The following AK4 variants were observed in gnomAD, a reference collection of about 807,000 sequenced individuals.
AK4 encodes the protein adenylate kinase 4, also known as adenylate kinase 4, mitochondrial.
Under a neutral mutation model 24.6 loss-of-function variants are expected in AK4, and 13 were observed. That is an observed-to-expected ratio of 0.53 (90% CI 0.34 to 0.84). The LOEUF is 0.84. Among genes scored for constraint, AK4 ranks in the 40% least tolerant of loss-of-function variants. The pLI is 0.01. For missense variants in AK4, 192 were observed against 288.2 expected (o/e 0.67, Z 2.42); for synonymous variants, 88 against 107.0 (o/e 0.82, Z 1.10).
chr1:65,220,342 C>T (rs1360621062), intron 3 of AK4, among the ~76,000 whole-genome samples: 2 of 152,144 alleles, frequency 1.3e-5, no homozygotes, highest in Non-Finnish European at 2.9e-5. Context: ...TTTGCATTTC[C>T]ACCAGCAATA....
At chr1:65,178,183 GAT>G (rs1344402508) in intron 1 of AK4, among the ~76,000 whole-genome samples, 1 of 152,122 alleles carries the variant, frequency 6.6e-6, no homozygotes, top group Non-Finnish European at 1.5e-5. Context: ...TGACTGTTAA[GAT>G]AGCCTCTGGC....
chr1:65,170,095 G>T (rs1199532938), intron 1 of AK4, among the ~76,000 whole-genome samples: 1 of 152,142 alleles, frequency 6.6e-6, no homozygotes, highest in East Asian at 1.9e-4. Context: ...GATCAGTTTT[G>T]GCCAGGCGTG....
intron 2 of AK4, among the ~76,000 whole-genome samples, chr1:65,215,094 TACTCTAGGAAAGTCTGGG>T (rs1322535468): frequency 6.6e-6 from 1 of 152,222 alleles, no homozygotes; most frequent in African/African-American, 2.4e-5. Flanking sequence ...CTAGATGTTC[TACTCTAGGAAAGTCTGGG>T]ACAGGATCTG....
intron 2 of AK4, among the ~76,000 whole-genome samples, chr1:65,216,784 T>C (rs1029591031): frequency 4.2e-5 from 6 of 143,726 alleles, no homozygotes; most frequent in African/African-American, 1.5e-4. Context: ...AGCCTTGAAC[T>C]CCTTGGGCTC....
rs1652603002 is a variant in AK4, at chr1:65,230,322, A to G, written c.*4145A>G. On this transcript the variant is annotated 3_prime_UTR_variant, in exon 5 of 5. Transcript: ENST00000327299. ...TAAGATGTTGAGACCGGATAACTTT[A>G]GAAAGATACCTGCACAAACCCATAA... The G allele has an allele frequency of 6.6e-6, 1 of 152,218 alleles. No homozygotes were observed. Among genetic ancestry groups the G allele is most frequent in the Non-Finnish European group, 1.5e-5 (1 of 68,042 alleles). The allele number at this position is 152,218 out of a possible 1,614,324, so 9.4% of individuals were successfully genotyped here. A position where few individuals can be genotyped will look rare whatever the true frequency, so the allele number is the denominator to read the frequency against.
chr1:65,225,499 T>C (rs1028215110), intron 4 of AK4, among the ~76,000 whole-genome samples: 16 of 152,208 alleles, frequency 1.1e-4, no homozygotes, highest in Non-Finnish European at 1.9e-4. Flanking sequence ...TGTGTATGTG[T>C]GTGAGGGGGA....
rs1368305342 is a variant in AK4 at position 65,229,192 on chromosome 1, A to C, written c.*3015A>C. 6.6e-6 allele frequency: 1 copy of C among 152,032 alleles called. No individual in the cohort carries two copies. The highest frequency in any genetic ancestry group is 6.6e-5 in the Admixed American group (1 of 15,260). 9.4% of individuals were successfully genotyped at this position (152,032 alleles called of 1,614,324 possible). A position where few individuals can be genotyped will look rare whatever the true frequency, so the allele number is the denominator to read the frequency against. On this transcript the variant is annotated 3_prime_UTR_variant, in exon 5 of 5. Transcript: ENST00000327299. ...TTTTTCCTGGATGTTATTAATAGCT[A>C]ATTGTGTCCAAGCAACCAAGGGCCT...
At chr1:65,153,478 C>T (rs1320426920) in intron 1 of AK4, among the ~76,000 whole-genome samples, 1 of 151,980 alleles carries the variant, frequency 6.6e-6, no homozygotes, top group African/African-American at 2.4e-5. Context: ...TACGTGTTGC[C>T]CAGGCTGGTC....
chr1:65,154,977 A>G (rs1367295201), intron 1 of AK4, among the ~76,000 whole-genome samples: 1 of 151,762 alleles, frequency 6.6e-6, no homozygotes, highest in Non-Finnish European at 1.5e-5. Flanking sequence ...CAGCTTCCCA[A>G]GTAGCTGGGA....
intron 1 of AK4, among the ~76,000 whole-genome samples, chr1:65,187,448 G>C (rs2101035729): frequency 6.6e-6 from 1 of 151,970 alleles, no homozygotes; most frequent in East Asian, 1.9e-4. Context: ...AAGAAGGAGT[G>C]ACTGCTAATG....
chr1:65,185,890 C>G (rs1651082689), intron 1 of AK4, among the ~76,000 whole-genome samples: 1 of 152,080 alleles, frequency 6.6e-6, no homozygotes, highest in Non-Finnish European at 1.5e-5. Flanking sequence ...GCTGGGATTA[C>G]AGGCGTGAGC....
At chr1:65,194,165 TTTGA>T (rs1292839268) in intron 2 of AK4, among the ~76,000 whole-genome samples, 1 of 152,228 alleles carries the variant, frequency 6.6e-6, no homozygotes, top group Non-Finnish European at 1.5e-5. Context: ...GTCAACTGTA[TTTGA>T]TTGTCTCTTT....
Position 65,216,868 on chromosome 1 carries a change from A to AAT in AK4, c.266-1885_266-1884dup, listed in dbSNP as rs1252069951. Among the ~76,000 whole-genome samples the AAT allele has an allele frequency of 3.2e-5, 4 of 123,902 alleles. 1 individual carries two copies. The highest frequency in any genetic ancestry group is 1.1e-4 in the African/African-American group (2 of 18,064). 81.3% of individuals were successfully genotyped at this position (123,902 alleles called of 152,430 possible). On this transcript the variant is annotated intron_variant, in intron 2 of 4. Transcript: ENST00000327299. ...GCATCACCAGTAAAAGCAATTTTTT[A>AAT]ATTTTTATTTTTGGTAGAGATGGGT...
At chr1:65,150,188 G>A (rs1649719921) in intron 1 of AK4, among the ~76,000 whole-genome samples, 1 of 152,158 alleles carries the variant, frequency 6.6e-6, no homozygotes, top group Non-Finnish European at 1.5e-5. Flanking sequence ...TGTTTAAAGA[G>A]AGTGTGATGG....
chr1:65,163,568 TC>T (rs1223020173), intron 1 of AK4, among the ~76,000 whole-genome samples: 21 of 152,316 alleles, frequency 1.4e-4, no homozygotes, highest in Admixed American at 1.0e-3. Flanking sequence ...AGTCACATAC[TC>T]CTAAATTAGG....
chr1:65,225,646 A>C (rs1023566208), intron 4 of AK4, among the ~76,000 whole-genome samples: 2 of 152,172 alleles, frequency 1.3e-5, no homozygotes, highest in African/African-American at 4.8e-5. Flanking sequence ...GTCCCCCCCA[A>C]AATTTAGCAA....
intron 1 of AK4, among the ~76,000 whole-genome samples, chr1:65,187,920 T>C (rs1651157315): frequency 6.6e-6 from 1 of 152,230 alleles, no homozygotes; most frequent in African/African-American, 2.4e-5. Flanking sequence ...CTGTCTTTCT[T>C]GTTCCGCCTT....
intron 2 of AK4, among the ~76,000 whole-genome samples, chr1:65,218,421 T>G (rs1652196656): frequency 6.6e-6 from 1 of 152,232 alleles, no homozygotes; most frequent in South Asian, 2.1e-4. Flanking sequence ...ATATGATTCC[T>G]TAATCTTTGA....
At chr1:65,222,993 T>G (rs1415979915) in intron 3 of AK4, among the ~76,000 whole-genome samples, 1 of 151,698 alleles carries the variant, frequency 6.6e-6, no homozygotes, top group Non-Finnish European at 1.5e-5. Context: ...AAAATCAAGG[T>G]GTTTTTTTTT....
Sources: allele counts gnomAD v4.1 joint callset (sites outside exome capture counted in the v4.1 genomes callset), GRCh38; gene constraint gnomAD v4.1.1; transcripts MANE v1.5; gene names NCBI Gene and HGNC (gene_info 2026-07-23, HGNC 2026-07-21).